PLEKHA6: variants seen among roughly 807,000 people sequenced by gnomAD.
PLEKHA6 encodes pleckstrin homology domain-containing family A member 6.
In PLEKHA6, 60 loss-of-function variants were observed where a neutral mutation model predicts 116.7. That is an observed-to-expected ratio of 0.51 (90% CI 0.42 to 0.64). The LOEUF (loss-of-function observed/expected upper bound fraction) is 0.64. PLEKHA6 is among the 30% of genes least tolerant of loss of function. PLEKHA6 has a pLI of 0.00. For missense variants in PLEKHA6, 1,338 were observed against 1,422.7 expected, an observed-to-expected ratio of 0.94 and a Z score of 0.96; for synonymous variants, 489 against 556.1, an observed-to-expected ratio of 0.88 and a Z score of 1.70.
At chr1:204,316,805 T>A (rs1671875859) in intron 1 of PLEKHA6, among the ~76,000 whole-genome samples, 1 of 152,220 alleles carries the variant, frequency 6.6e-6, no homozygotes, top group Non-Finnish European at 1.5e-5. Flanking sequence ...CATTCCTCTT[T>A]CCTTTGGCAT....
At chr1:204,370,555 T>G (rs1193632608) in intron 2 of PLEKHA6, among the ~76,000 whole-genome samples, 3 of 152,224 alleles carry the variant, frequency 2.0e-5, no homozygotes, top group African/African-American at 4.8e-5. Flanking sequence ...CTCAACAACT[T>G]AGACTGAAGT....
chr1:204,299,553 T>G, intron 1 of PLEKHA6: 1 of 872,158 alleles, frequency 1.1e-6, no homozygotes, highest in Non-Finnish European at 1.4e-6. Context: ...GCCAGCAAGC[T>G]GACACAGCTT....
At chr1:204,315,153 A>G (rs1671808089) in intron 1 of PLEKHA6, among the ~76,000 whole-genome samples, 1 of 152,222 alleles carries the variant, frequency 6.6e-6, no homozygotes, top group Admixed American at 6.5e-5. Context: ...ATGGGTGATA[A>G]GAGGACATTT....
At chr1:204,264,657 G>A (rs551758019) in intron 6 of PLEKHA6, among the ~76,000 whole-genome samples, 44 of 152,258 alleles carry the variant, frequency 2.9e-4, no homozygotes, top group East Asian at 7.7e-4. Flanking sequence ...AACAATTGTG[G>A]TGCTGCTGAA....
At chr1:204,359,577 G>C (rs1210810719) in intron 1 of PLEKHA6, 117 bp downstream of exon 1, 1 of 983,038 alleles carries the variant, frequency 1.0e-6, no homozygotes, top group African/African-American at 1.7e-5. Flanking sequence ...GGGGAAGCCA[G>C]TGCTCCGCAG....
Position 204,245,720 on chromosome 1 carries a change from C to A in PLEKHA6, c.1927G>T (p.Val643Leu). 6.2e-7 allele frequency: 1 copy of A among 1,609,454 alleles called. No homozygotes were observed. The highest frequency in any genetic ancestry group is 8.5e-7 in the Non-Finnish European group (1 of 1,176,522). Residue 643 changes from valine (V) to leucine (L), a missense_variant, in exon 14 of 23, where the codon GTG (valine) becomes TTG (leucine). Val to Leu is a conservative substitution (Grantham distance 32). Around this residue, in one of 3 missense-constraint regions of PLEKHA6, gnomAD observed 1,136 missense variants for 1,163.6 expected, o/e 0.98. Transcript: ENST00000272203. ...TCCTTTTGGATTTGCCGGTTCAGCACCTCATTCTGAAGCAGCCACACAGTG... is the reference window on the plus strand; with the variant it reads ...TCCTTTTGGATTTGCCGGTTCAGCAACTCATTCTGAAGCAGCCACACAGTG... The part of the protein sequence containing the change: ...EQLNLDTQNE[V>L]LNRQIQKEIW...
rs114794393 is a variant in PLEKHA6, at chr1:204,299,963, G to A, written c.-94-25154C>T. Among the ~76,000 whole-genome samples, 331 of 152,156 alleles carry A rather than the reference G, an allele frequency of 2.2e-3. 1 individual carries two copies. Among genetic ancestry groups the A allele is most frequent in the Middle Eastern group, 6.8e-3 (2 of 294 alleles). ...GCTCCTCACCACAGAGGAACACCAT[G>A]GACACATGTGCCTGAATATTAAGAG... is the stretch of plus-strand genomic sequence containing the variant. On this transcript the variant is annotated intron_variant, in intron 1 of 22. Transcript: ENST00000272203.
chr1:204,255,088 T>C (rs1309181584), intron 9 of PLEKHA6, among the ~76,000 whole-genome samples: 3 of 152,216 alleles, frequency 2.0e-5, no homozygotes. Flanking sequence ...ATGCACGAGC[T>C]GTTTATGCAA....
intron 21 of PLEKHA6, among the ~76,000 whole-genome samples, chr1:204,227,145 T>C (rs935927793): frequency 1.3e-5 from 2 of 152,220 alleles, no homozygotes; most frequent in Non-Finnish European, 2.9e-5. Flanking sequence ...TCTAACCTGC[T>C]CATGGCCTGG....
chr1:204,293,196 G>A (rs1188028354), intron 1 of PLEKHA6, among the ~76,000 whole-genome samples: 4 of 152,042 alleles, frequency 2.6e-5, no homozygotes, highest in African/African-American at 4.8e-5. Context: ...GTGCAGTGGC[G>A]CGATCTTGGC....
chr1:204,376,970 A>G (rs1673881209), intron 1 of PLEKHA6, among the ~76,000 whole-genome samples: 1 of 152,234 alleles, frequency 6.6e-6, no homozygotes, highest in African/African-American at 2.4e-5. Context: ...TGAAATTAAT[A>G]TAACAGTGCT....
intron 9 of PLEKHA6, chr1:204,255,605 G>T (rs1296237195): frequency 1.0e-5 from 7 of 702,558 alleles, no homozygotes; most frequent in South Asian, 4.4e-5. Context: ...GGATGATAAG[G>T]GGGGCACCAG....
At chr1:204,317,262 T>A in intron 1 of PLEKHA6, 1 of 954,308 alleles carries the variant, frequency 1.0e-6, no homozygotes, top group African/African-American at 1.8e-5. Flanking sequence ...CAGCCCTGGG[T>A]CCTAGCTCCA....
intron 6 of PLEKHA6, among the ~76,000 whole-genome samples, 155 bp downstream of exon 6, chr1:204,264,787 T>A (rs1215363458): frequency 6.6e-6 from 1 of 152,140 alleles, no homozygotes; most frequent in East Asian, 1.9e-4. Context: ...TAGGGGCCAT[T>A]ACTACTCCTC....
chr1:204,280,247 C>T (rs1429505454), intron 1 of PLEKHA6: 2 of 925,640 alleles, frequency 2.2e-6, no homozygotes. Context: ...CTCCAAACAT[C>T]CCCCTGGAGA....
In PLEKHA6 at chr1:204,273,608, C is replaced by A. The variant is rs748119711; in HGVS notation, c.102+18G>T. The A allele has an allele frequency of 6.4e-7, 1 of 1,569,578 alleles. No homozygotes were observed. The highest frequency in any genetic ancestry group is 8.8e-7 in the Non-Finnish European group (1 of 1,139,460). On this transcript the variant is annotated intron_variant, in intron 3 of 22. Coordinates refer to ENST00000272203, the MANE Select transcript of PLEKHA6 (RefSeq NM_014935.5). ...AGACGTTTCCAGCCCAACAGCTTGCCTTGAGGGCTGGACTTACCCGGACGC... is the reference window on the plus strand; with the variant it reads ...AGACGTTTCCAGCCCAACAGCTTGCATTGAGGGCTGGACTTACCCGGACGC...
In PLEKHA6 at chr1:204,238,497, A is replaced by C. The variant is rs1369506683; in HGVS notation, c.2409+2878T>G. On this transcript the variant is annotated intron_variant, in intron 17 of 22. Transcript: ENST00000272203. The surrounding 1 kb of genome is among the most constrained non-coding windows in gnomAD (Gnocchi z 4.2). ...GCGACCTGAACTGCCTATCATGAAC[A>C]GGGTGCTTTCTGACCCATCTAGCCA... Among the ~76,000 whole-genome samples, 1 of 152,220 alleles carries C rather than the reference A, an allele frequency of 6.6e-6. No individual in the cohort carries two copies. Among genetic ancestry groups the C allele is most frequent in the Non-Finnish European group, 1.5e-5 (1 of 68,044 alleles).
intron 1 of PLEKHA6, among the ~76,000 whole-genome samples, chr1:204,293,382 G>A (rs1447647059): frequency 2.0e-5 from 3 of 152,044 alleles, no homozygotes; most frequent in East Asian, 1.9e-4. Context: ...TGATCCGCCC[G>A]CCTTGGCCTC....
rs375997987 is a variant in PLEKHA6 at position 204,268,067 on chromosome 1, T to C, written c.207+141A>G. On this transcript the variant is annotated intron_variant, in intron 4 of 22. Coordinates refer to ENST00000272203, the MANE Select transcript of PLEKHA6 (RefSeq NM_014935.5). ...AAGATACTCAGTTTCTCTGAGCCTT[T>C]ATAAAATTAGGAGACTCATTCACAG... The C allele has an allele frequency of 3.1e-4, 169 of 544,966 alleles. 1 individual carries two copies. In the South Asian group the frequency reaches 4.6e-3, roughly 15 times the overall value. The allele number at this position is 544,966 out of a possible 1,614,324, so 33.8% of individuals were successfully genotyped here.
Sources: allele counts gnomAD v4.1 joint callset (sites outside exome capture counted in the v4.1 genomes callset), GRCh38; gene constraint gnomAD v4.1.1; regional missense constraint gnomAD v4.1.1; non-coding constraint Gnocchi (gnomAD v3.1); transcripts MANE v1.5; gene names NCBI Gene and HGNC (gene_info 2026-07-23, HGNC 2026-07-21).